The following SYN2 variants were observed in gnomAD, a reference collection of about 807,000 sequenced individuals.
SYN2 encodes synapsin II, also known as synapsin-2.
SYN2 carries 19 observed loss-of-function variants against 50.9 expected under a neutral mutation model. The observed-to-expected ratio is 0.37, with a 90% CI of 0.26 to 0.55. SYN2 has a LOEUF of 0.55. SYN2 is among the 20% of genes least tolerant of loss of function. The pLI, the probability that SYN2 is intolerant of heterozygous loss-of-function variation, is 0.81. For missense variants in SYN2, 587 were observed against 576.4 expected, an observed-to-expected ratio of 1.02 and a Z score of -0.19; for synonymous variants, 255 against 224.9, an observed-to-expected ratio of 1.13 and a Z score of -1.20.
chr3:12,096,294 G>GAA (rs1695932122), intron 1 of SYN2, among the ~76,000 whole-genome samples: 1 of 152,032 alleles, frequency 6.6e-6, no homozygotes, highest in African/African-American at 2.4e-5. Flanking sequence ...ACTTGATAGG[G>GAA]CATGTATGAG....
chr3:12,036,191 T>C (rs547740199), intron 1 of SYN2, among the ~76,000 whole-genome samples: 1 of 152,230 alleles, frequency 6.6e-6, no homozygotes, highest in South Asian at 2.1e-4. Context: ...CACTAGGCAT[T>C]GCTGTAGTGG....
intron 1 of SYN2, among the ~76,000 whole-genome samples, chr3:12,097,815 G>A (rs1429476697): frequency 1.3e-5 from 2 of 152,052 alleles, no homozygotes; most frequent in Non-Finnish European, 2.9e-5. Context: ...GAGAACACTT[G>A]GACACAGAGT....
At chr3:12,061,818 A>G (rs1386490394) in intron 1 of SYN2, among the ~76,000 whole-genome samples, 3 of 152,110 alleles carry the variant, frequency 2.0e-5, no homozygotes, top group Admixed American at 6.6e-5. Flanking sequence ...CATAAATCTA[A>G]CAAAATAAAT....
chr3:12,044,367 A>T (rs1694693230), intron 1 of SYN2, among the ~76,000 whole-genome samples: 1 of 152,210 alleles, frequency 6.6e-6, no homozygotes, highest in African/African-American at 2.4e-5. Flanking sequence ...TTTCATGAGT[A>T]ATCAGGATAT....
intron 1 of SYN2, among the ~76,000 whole-genome samples, chr3:12,035,721 C>A (rs575692220): frequency 6.6e-6 from 1 of 152,148 alleles, no homozygotes; most frequent in African/African-American, 2.4e-5. Flanking sequence ...AAAGCTTTGT[C>A]TGAAAACTTG....
At chr3:12,120,686 C>A (rs193006215) in intron 1 of SYN2, among the ~76,000 whole-genome samples, 1 of 152,278 alleles carries the variant, frequency 6.6e-6, no homozygotes, top group East Asian at 1.9e-4. Flanking sequence ...TTTCACAGGC[C>A]TCTAGCCACT....
chr3:12,058,758 A>G (rs1389000357), intron 1 of SYN2, among the ~76,000 whole-genome samples: 1 of 152,216 alleles, frequency 6.6e-6, no homozygotes, highest in African/African-American at 2.4e-5. Context: ...AGATTCTGTT[A>G]GAGTGTCATA....
At chr3:12,097,977 A>C (rs1321148239) in intron 1 of SYN2, among the ~76,000 whole-genome samples, 2 of 152,202 alleles carry the variant, frequency 1.3e-5, no homozygotes, top group Non-Finnish European at 2.9e-5. Flanking sequence ...CATGTTGTGC[A>C]CATGTACCCT....
Position 12,058,623 on chromosome 3 carries a change from C to T in SYN2, c.377+53695C>T, listed in dbSNP as rs942544371. Among the ~76,000 whole-genome samples the T allele has an allele frequency of 3.3e-5, 5 of 152,122 alleles. No individual in the cohort carries two copies. The East Asian group carries it at 9.6e-4, about 29-fold the overall frequency. On this transcript the variant is annotated intron_variant, in intron 1 of 12. Transcript: ENST00000621198. ...CAGTGAATAAATCAAGATAAAATCACTGGGGAAGGGGAATATGAAAGCAGT... is the reference window on the plus strand; with the variant it reads ...CAGTGAATAAATCAAGATAAAATCATTGGGGAAGGGGAATATGAAAGCAGT...
chr3:12,019,236 G>T (rs1215759936), intron 1 of SYN2, among the ~76,000 whole-genome samples: 1 of 152,206 alleles, frequency 6.6e-6, no homozygotes, highest in South Asian at 2.1e-4. Context: ...GACTGAAAAT[G>T]TGAAATCAGC....
intron 1 of SYN2, among the ~76,000 whole-genome samples, chr3:12,103,334 C>G (rs938365618): frequency 6.6e-6 from 1 of 152,054 alleles, no homozygotes; most frequent in Non-Finnish European, 1.5e-5. Context: ...GAAAGGCAAG[C>G]AAAGAAGTGA....
intron 5 of SYN2, chr3:12,153,051 T>A: frequency 4.3e-6 from 1 of 230,394 alleles, no homozygotes. Context: ...AAGTAGAGGA[T>A]ACACAGCCAC....
At position 12,173,536 on chromosome 3, in the gene SYN2, C is replaced by T. The variant is rs367741908; in HGVS notation, c.1308+3630C>T. On this transcript the variant is annotated intron_variant, in intron 10 of 12. Transcript: ENST00000621198. The stretch of plus-strand genomic sequence containing the variant: ...ATTATTGGAAAGTTGTTTTAGCCAC[C>T]GTCTCCCTTTTACCACATTTTCTCT... Among the ~76,000 whole-genome samples the T allele has an allele frequency of 7.2e-4, 110 of 152,248 alleles. 4 individuals carry two copies. In the South Asian group the frequency reaches 0.02, roughly 28 times the overall value.
At chr3:12,127,713 C>G (rs193297005) in intron 1 of SYN2, among the ~76,000 whole-genome samples, 32 of 152,286 alleles carry the variant, frequency 2.1e-4, no homozygotes, top group African/African-American at 7.0e-4. Context: ...GTTTCTGCTG[C>G]GCCATGGTGG....
intron 1 of SYN2, among the ~76,000 whole-genome samples, chr3:12,036,621 C>T (rs536744930): frequency 8.1e-4 from 124 of 152,284 alleles, no homozygotes; most frequent in African/African-American, 2.8e-3. Flanking sequence ...TCCTAGAGCT[C>T]TGGGCCTGTG....
At chr3:12,026,302 C>T (rs1694255765) in intron 1 of SYN2, among the ~76,000 whole-genome samples, 1 of 152,054 alleles carries the variant, frequency 6.6e-6, no homozygotes, top group African/African-American at 2.4e-5. Flanking sequence ...TTGAAATCCA[C>T]TATAATAGAT....
chr3:12,149,235 G>A (rs901714869), intron 4 of SYN2, among the ~76,000 whole-genome samples: 4 of 152,230 alleles, frequency 2.6e-5, no homozygotes, highest in African/African-American at 4.8e-5. Context: ...ATGCCAGAGC[G>A]TGGGCTGCAG....
At chr3:12,106,907 G>A (rs923311547) in intron 1 of SYN2, among the ~76,000 whole-genome samples, 22 of 151,958 alleles carry the variant, frequency 1.4e-4, no homozygotes, top group African/African-American at 5.3e-4. Context: ...TTTGCGAATT[G>A]CTGATTTACA....
intron 9 of SYN2, among the ~76,000 whole-genome samples, chr3:12,169,258 A>C (rs151150701): frequency 3.5e-4 from 53 of 152,330 alleles, no homozygotes; most frequent in Admixed American, 3.5e-3. Flanking sequence ...AGGAAGAATC[A>C]GGATTGGTGG....
Sources: gnomAD v4.1 joint callset for allele counts (sites outside exome capture counted in the v4.1 genomes callset) on GRCh38, gnomAD v4.1.1 for gene constraint, MANE v1.5 for transcripts, NCBI Gene and HGNC (gene_info 2026-07-23, HGNC 2026-07-21) for gene names.